PARN: variants seen among roughly 807,000 people sequenced by gnomAD.
The protein encoded by PARN is poly(A)-specific ribonuclease, also known as poly(A)-specific ribonuclease PARN.
In PARN, 71 loss-of-function variants were observed where a neutral mutation model predicts 102.8. The ratio of observed to expected loss-of-function variants is 0.69; its 90% CI spans 0.57 to 0.84. The LOEUF (loss-of-function observed/expected upper bound fraction) is 0.84. PARN is among the 40% of genes least tolerant of loss of function. The pLI is 0.00. For synonymous variants in PARN, 261 were observed against 252.9 expected, an observed-to-expected ratio of 1.03 and a Z score of -0.30; for missense variants, 782 against 760.9, an observed-to-expected ratio of 1.03 and a Z score of -0.33.
At chr16:14,537,791 G>A (rs541088415) in intron 21 of PARN, among the ~76,000 whole-genome samples, 10 of 152,258 alleles carry the variant, frequency 6.6e-5, no homozygotes, top group African/African-American at 2.4e-4. Context: ...GAGGGAAGAG[G>A]AGGATAGAGA....
In PARN at chr16:14,446,919, T is replaced by A; in HGVS notation, c.1833A>T (p.Leu611Phe). ...GAGAAAGCTCCTTCTTCATTCTTTT[T>A]AATTTCTTGGCCTTTTTCCTTCCCT... Reference protein sequence around the residue: ...LSEGRKKAKKLKRMKKELSPA... With the variant: ...LSEGRKKAKKFKRMKKELSPA... Residue 611 changes from leucine (L) to phenylalanine (F), a missense_variant, in exon 23 of 24, where the codon TTA (leucine) becomes TTT (phenylalanine). Coordinates refer to ENST00000437198, the MANE Select transcript of PARN (RefSeq NM_002582.4). The A allele has an allele frequency of 1.9e-6, 3 of 1,613,318 alleles. No individual in the cohort carries two copies. Among genetic ancestry groups the A allele is most frequent in the Non-Finnish European group, 2.5e-6 (3 of 1,179,632 alleles).
At chr16:14,460,106 C>A (rs2151571626) in intron 22 of PARN, among the ~76,000 whole-genome samples, 1 of 152,188 alleles carries the variant, frequency 6.6e-6, no homozygotes, top group East Asian at 1.9e-4. Flanking sequence ...AAGCGTAAGC[C>A]ATAAAGGAAC....
At chr16:14,522,953 A>G (rs1046318621) in intron 21 of PARN, among the ~76,000 whole-genome samples, 5 of 152,216 alleles carry the variant, frequency 3.3e-5, no homozygotes, top group African/African-American at 1.2e-4. Context: ...AGATTCTCAG[A>G]CTAAAGAAAA....
intron 22 of PARN, among the ~76,000 whole-genome samples, chr16:14,465,214 T>C (rs1240268891): frequency 1.3e-5 from 2 of 152,190 alleles, no homozygotes; most frequent in Non-Finnish European, 2.9e-5. Context: ...ACTACAGGCA[T>C]GTGACACTAA....
intron 21 of PARN, among the ~76,000 whole-genome samples, chr16:14,529,071 T>C (rs1401825427): frequency 2.6e-5 from 4 of 152,102 alleles, no homozygotes; most frequent in Non-Finnish European, 5.9e-5. Context: ...TCGCCCTGAC[T>C]CCTATAAAAG....
At chr16:14,614,822 T>C (rs1429372039) in intron 6 of PARN, among the ~76,000 whole-genome samples, 2 of 107,066 alleles carry the variant, frequency 1.9e-5, no homozygotes, top group African/African-American at 7.4e-5. Context: ...CACTCCAGCA[T>C]GGGAAAGAAG....
intron 23 of PARN, among the ~76,000 whole-genome samples, chr16:14,444,022 C>T (rs1188943030): frequency 6.6e-6 from 1 of 152,152 alleles, no homozygotes; most frequent in African/African-American, 2.4e-5. Flanking sequence ...TTAATGCAGA[C>T]CCTCAACAGG....
rs181421714 is a variant in PARN, at chr16:14,600,107, C to T, written c.784-147G>A. 3.4e-4 allele frequency: 167 copies of T among 495,882 alleles called. 1 individual carries two copies. In the East Asian group the frequency reaches 4.0e-3, roughly 12 times the overall value. 30.7% of individuals were successfully genotyped at this position (495,882 alleles called of 1,614,324 possible). A position where few individuals can be genotyped will look rare whatever the true frequency, so the allele number is the denominator to read the frequency against. Reference sequence around the variant, plus strand: ...TGTGCTTTGCGCCTATCTTCCCAAACATTTGCATCTAAAATGATCTACGTA... The same window carrying T: ...TGTGCTTTGCGCCTATCTTCCCAAATATTTGCATCTAAAATGATCTACGTA... On this transcript the variant is annotated intron_variant, in intron 11 of 23. Transcript: ENST00000437198.
rs1472010929 is a variant in PARN, at chr16:14,551,174, C to T, written c.1480+847G>A. On this transcript the variant is annotated intron_variant, in intron 21 of 23. Transcript: ENST00000437198. Reference sequence around the variant, plus strand: ...CTCGAACTCCTGACCTCAGATGATCCGCCTGCCTCGGCCTCCCTAAGTGCT... The same window carrying T: ...CTCGAACTCCTGACCTCAGATGATCTGCCTGCCTCGGCCTCCCTAAGTGCT... 2.6e-5 allele frequency among the ~76,000 whole-genome samples: 4 copies of T among 151,692 alleles called. No homozygotes were observed. The South Asian group carries it at 6.3e-4, about 24-fold the overall frequency.
intron 21 of PARN, among the ~76,000 whole-genome samples, chr16:14,506,102 A>G (rs989417955): frequency 2.6e-5 from 4 of 152,258 alleles, no homozygotes; most frequent in African/African-American, 9.6e-5. Context: ...AAAAGAGCAC[A>G]TCAACTACGT....
At chr16:14,593,979 AGAGT>A (rs899468412) in intron 12 of PARN, among the ~76,000 whole-genome samples, 1 of 152,042 alleles carries the variant, frequency 6.6e-6, no homozygotes, top group African/African-American at 2.4e-5. Flanking sequence ...CCTGGGCAAC[AGAGT>A]GAGACCCCGT....
intron 21 of PARN, among the ~76,000 whole-genome samples, chr16:14,494,635 G>A (rs1176485024): frequency 2.0e-5 from 3 of 152,246 alleles, no homozygotes; most frequent in Non-Finnish European, 4.4e-5. Flanking sequence ...GCAGGAGAAG[G>A]GCCGGCGGTG....
chr16:14,604,800 G>A (rs1371671423), intron 10 of PARN, among the ~76,000 whole-genome samples: 4 of 151,956 alleles, frequency 2.6e-5, no homozygotes, highest in Non-Finnish European at 5.9e-5. Context: ...ATTTGTAGTA[G>A]AGACAGGGTT....
chr16:14,609,718 C>G (rs923616236), intron 7 of PARN, among the ~76,000 whole-genome samples: 2 of 152,180 alleles, frequency 1.3e-5, no homozygotes, highest in South Asian at 4.1e-4. Flanking sequence ...AATGGTTACA[C>G]CAACAACTAA....
chr16:14,614,332 T>C (rs905918153), intron 6 of PARN, among the ~76,000 whole-genome samples: 2 of 151,800 alleles, frequency 1.3e-5, no homozygotes, highest in South Asian at 2.1e-4. Context: ...GCCATTGGTA[T>C]AGAGGACTAA....
At chr16:14,489,437 C>CA (rs770783306) in intron 21 of PARN, among the ~76,000 whole-genome samples, 5,298 of 56,872 alleles carry the variant, frequency 0.093, 247 homozygotes, top group Non-Finnish European at 0.12. Flanking sequence ...GAGAGAGACT[C>CA]AAAAAAAAAA....
chr16:14,490,093 G>A (rs1963978372), intron 21 of PARN, among the ~76,000 whole-genome samples: 1 of 152,316 alleles, frequency 6.6e-6, no homozygotes, highest in South Asian at 2.1e-4. Context: ...GGGATGTGGA[G>A]GTTGCAGTGA....
intron 6 of PARN, 151 bp downstream of exon 6, chr16:14,617,439 G>A (rs1971995152): frequency 7.3e-6 from 4 of 550,760 alleles, no homozygotes; most frequent in Non-Finnish European, 1.3e-5. Flanking sequence ...TTCTAAGGCT[G>A]CATATGTGTA....
intron 14 of PARN, among the ~76,000 whole-genome samples, chr16:14,585,194 C>G (rs568483105): frequency 2.0e-5 from 3 of 152,304 alleles, no homozygotes; most frequent in Admixed American, 6.5e-5. Context: ...CAAACTGCTA[C>G]CATCTACTCC....
Sources: gnomAD v4.1 joint callset for allele counts (sites outside exome capture counted in the v4.1 genomes callset) on GRCh38, gnomAD v4.1.1 for gene constraint, MANE v1.5 for transcripts, NCBI Gene and HGNC (gene_info 2026-07-23, HGNC 2026-07-21) for gene names.